Variants in CTSC observed in about 807,000 individuals in gnomAD.
CTSC encodes dipeptidyl peptidase 1.
CTSC carries 37 observed loss-of-function variants against 40.9 expected under a neutral mutation model. The ratio of observed to expected loss-of-function variants is 0.91; its 90% confidence interval spans 0.70 to 1.19. The LOEUF (loss-of-function observed/expected upper bound fraction) is 1.19, where lower values mean the gene tolerates loss of function less well. Ranked by LOEUF, CTSC falls within the 50% of genes most tolerant of loss-of-function variation. The pLI is 0.00. For missense variants in CTSC, 594 were observed against 567.3 expected, an observed-to-expected ratio of 1.05 and a Z score of -0.48; for synonymous variants, 232 against 207.4, an observed-to-expected ratio of 1.12 and a Z score of -1.02.
chr11:88,312,065 T>C (rs138325946), intron 3 of CTSC, among the ~76,000 whole-genome samples: 44 of 152,350 alleles, frequency 2.9e-4, no homozygotes, highest in African/African-American at 1.1e-3. Context: ...AGCATAAACA[T>C]ACGTATCTAC....
intron 2 of CTSC, among the ~76,000 whole-genome samples, chr11:88,332,154 C>T (rs1346863959): frequency 6.6e-6 from 1 of 152,112 alleles, no homozygotes; most frequent in Non-Finnish European, 1.5e-5. Flanking sequence ...GTAAGCATGG[C>T]AAGAATTTGT....
chr11:88,296,475 A>G (rs917478422), intron 5 of CTSC: 4 of 527,606 alleles, frequency 7.6e-6, no homozygotes, highest in Non-Finnish European at 1.4e-5. Context: ...AAAGGCAAAC[A>G]TTAGTACATG....
chr11:88,327,205 T>A (rs570512565), intron 2 of CTSC, among the ~76,000 whole-genome samples: 1 of 152,326 alleles, frequency 6.6e-6, no homozygotes, highest in South Asian at 2.1e-4. Context: ...TGCTGAAGCT[T>A]AACAAGATAA....
chr11:88,326,391 T>C (rs752270674), intron 2 of CTSC: 1 of 1,614,090 alleles, frequency 6.2e-7, no homozygotes, highest in South Asian at 1.1e-5. Context: ...CCCCAACGTC[T>C]GTTCATGGCT....
chr11:88,294,844 G>T (rs1944281081), intron 6 of CTSC, among the ~76,000 whole-genome samples: 1 of 152,146 alleles, frequency 6.6e-6, no homozygotes, highest in Non-Finnish European at 1.5e-5. Flanking sequence ...AAATCTAGAT[G>T]GTAGTAGTAC....
chr11:88,330,009 T>C (rs768754918), intron 2 of CTSC, among the ~76,000 whole-genome samples: 1 of 152,224 alleles, frequency 6.6e-6, no homozygotes, highest in Non-Finnish European at 1.5e-5. Flanking sequence ...TGTTTTTATA[T>C]AGGAGATTGC....
At chr11:88,306,693 A>C (rs1447432957) in intron 4 of CTSC, among the ~76,000 whole-genome samples, 2 of 152,128 alleles carry the variant, frequency 1.3e-5, no homozygotes, top group Admixed American at 1.3e-4. Context: ...CACTCAATAA[A>C]ACCTTGTGCT....
chr11:88,307,279 C>CT (rs1937655661), intron 4 of CTSC, among the ~76,000 whole-genome samples: 1 of 152,166 alleles, frequency 6.6e-6, no homozygotes, highest in Non-Finnish European at 1.5e-5. Context: ...TTCCTTACCC[C>CT]TTAGTCACAT....
At position 88,335,066 on chromosome 11, in the gene CTSC, T is replaced by C. The variant is rs758958232; in HGVS notation, c.189A>G (p.Lys63=). ...NCSVMGPQEK[K]VVVYLQKLDT... ...CCAGCTTCTGAAGGTACACCACTACTTTTTTTTCTTGTGGTCCTAAAGAAA... is the reference window on the plus strand; with the variant it reads ...CCAGCTTCTGAAGGTACACCACTACCTTTTTTTCTTGTGGTCCTAAAGAAA... Residue 63 remains lysine, a synonymous_variant, in exon 2 of 7, where the codon AAA becomes AAG. Coordinates refer to ENST00000227266, the MANE Select transcript of CTSC (RefSeq NM_001814.6). The C allele has an allele frequency of 3.8e-6, 6 of 1,599,814 alleles. No homozygotes were observed. In the African/African-American group the frequency reaches 6.7e-5, roughly 18 times the overall value.
intron 2 of CTSC, among the ~76,000 whole-genome samples, chr11:88,333,701 C>CA (rs5793314): frequency 1.1e-4 from 16 of 151,772 alleles, no homozygotes; most frequent in Non-Finnish European, 1.5e-4. Flanking sequence ...ATGTTTTTTA[C>CA]AAAAAAAATG....
chr11:88,294,309 C>G lies in CTSC; in HGVS notation c.1089G>C (p.Glu363Asp), dbSNP rs767873658. The change falls in exon 7 of 7, where the codon GAG becomes GAC. Residue 363 changes from glutamate to aspartate, a missense_variant. Glu to Asp is a conservative substitution (Grantham distance 45). Transcript: ENST00000227266. Reference protein sequence around the residue: ...GGCNEALMKLELVHHGPMAVA... With the variant: ...GGCNEALMKLDLVHHGPMAVA... ...CTGCCATGGGCCCATGATGGACCAA[C>G]TCAAGCTTCATCAGGGCTTCATTGC... 2 of 1,614,146 alleles carry G rather than the reference C, an allele frequency of 1.2e-6. No individual in the cohort carries two copies. Among genetic ancestry groups the G allele is most frequent in the Admixed American group, 3.3e-5 (2 of 60,000 alleles).
At position 88,309,169 on chromosome 11, in the gene CTSC, A is replaced by AT; in HGVS notation, c.634dup (p.Ile212AsnfsTer12). ...AAAATGTGTGCTTGATTACCTTGGGATTTTTCGACTGTGGCCACCACTTCT... is the reference window on the plus strand; with the variant it reads ...AAAATGTGTGCTTGATTACCTTGGGATTTTTTCGACTGTGGCCACCACTTCT... On this transcript the variant is annotated frameshift_variant, in exon 4 of 7. Coordinates refer to ENST00000227266, the MANE Select transcript of CTSC (RefSeq NM_001814.6). LOFTEE classifies it high-confidence loss of function. 1 of 1,613,758 alleles carries AT rather than the reference A, an allele frequency of 6.2e-7. No individual in the cohort carries two copies. Among genetic ancestry groups the AT allele is most frequent in the Non-Finnish European group, 8.5e-7 (1 of 1,179,826 alleles).
intron 2 of CTSC, among the ~76,000 whole-genome samples, chr11:88,313,993 G>A (rs1354308231): frequency 6.6e-6 from 1 of 152,104 alleles, no homozygotes; most frequent in African/African-American, 2.4e-5. Flanking sequence ...ATTGGCACAG[G>A]GGTCAACTAT....
chr11:88,309,059 G>T, intron 4 of CTSC, 104 bp downstream of exon 4: 1 of 959,362 alleles, frequency 1.0e-6, no homozygotes, highest in Non-Finnish European at 1.6e-6. Context: ...GTTACAACTG[G>T]GATGACCAAT....
intron 2 of CTSC, chr11:88,326,409 T>TA: frequency 6.2e-7 from 1 of 1,613,890 alleles, no homozygotes. Flanking sequence ...GCTGTGGTTT[T>TA]AAAAGAGTCC....
At chr11:88,315,815 C>G (rs1433645920) in intron 2 of CTSC, among the ~76,000 whole-genome samples, 1 of 152,096 alleles carries the variant, frequency 6.6e-6, no homozygotes, top group African/African-American at 2.4e-5. Flanking sequence ...GGGAGATACC[C>G]AGAAATGACA....
intron 3 of CTSC, among the ~76,000 whole-genome samples, chr11:88,311,816 G>A (rs1937763821): frequency 6.6e-6 from 1 of 152,200 alleles, no homozygotes; most frequent in South Asian, 2.1e-4. Context: ...TAAGCAAGCA[G>A]ACATCTGCAA....
At chr11:88,297,509 A>G (rs1046555285) in intron 5 of CTSC, 1 of 152,294 alleles carries the variant, frequency 6.6e-6, no homozygotes, top group African/African-American at 2.4e-5. Context: ...ACAACCCAGG[A>G]GAGTCTGGAA....
Position 88,300,760 on chromosome 11 carries a change from C to G in CTSC, c.642-115G>C, listed in dbSNP as rs1944351246. 6 of 730,426 alleles carry G rather than the reference C, an allele frequency of 8.2e-6. No homozygotes were observed. In the East Asian group the frequency reaches 1.3e-4, roughly 16 times the overall value. The allele number at this position is 730,426 out of a possible 1,614,324, so 45.2% of individuals were successfully genotyped here. A position where few individuals can be genotyped will look rare whatever the true frequency, so the allele number is the denominator to read the frequency against. ...TACCAGACTAGCTAGGATCTAGATTCAGACCCAGAGCACCTGTTTTATGAG... is the reference window on the plus strand; with the variant it reads ...TACCAGACTAGCTAGGATCTAGATTGAGACCCAGAGCACCTGTTTTATGAG... On this transcript the variant is annotated intron_variant, in intron 4 of 6. Transcript: ENST00000227266.
Sources: allele counts gnomAD v4.1 joint callset (sites outside exome capture counted in the v4.1 genomes callset), GRCh38; gene constraint gnomAD v4.1.1; transcripts MANE v1.5; gene names NCBI Gene and HGNC (gene_info 2026-07-23, HGNC 2026-07-21).